Variants in STXBP5 observed in about 807,000 individuals in gnomAD.
The protein encoded by STXBP5 is syntaxin binding protein 5, also known as syntaxin-binding protein 5.
STXBP5 carries 50 observed loss-of-function variants against 152.4 expected under a neutral mutation model. The ratio of observed to expected loss-of-function variants is 0.33; its 90% CI spans 0.26 to 0.42. STXBP5 has a LOEUF of 0.42. STXBP5 is among the 10% of genes least tolerant of loss of function. The pLI, the probability that STXBP5 is intolerant of heterozygous loss-of-function variation, is 1.00. For synonymous variants in STXBP5, 492 were observed against 494.7 expected, an observed-to-expected ratio of 0.99 and a Z score of 0.07; for missense variants, 1,167 against 1,388.6, an observed-to-expected ratio of 0.84 and a Z score of 2.54.
At chr6:147,241,543 A>C (rs1778542787) in intron 4 of STXBP5, among the ~76,000 whole-genome samples, 1 of 152,184 alleles carries the variant, frequency 6.6e-6, no homozygotes, top group Non-Finnish European at 1.5e-5. Flanking sequence ...ACGATGTTAC[A>C]CTCAGTGACA....
At chr6:147,262,169 GAA>G in intron 5 of STXBP5, 119 bp from the exon 6 acceptor site, 1 of 661,378 alleles carries the variant, frequency 1.5e-6, no homozygotes, top group Non-Finnish European at 2.5e-6. Context: ...ATCTCTTGCT[GAA>G]ATCCTTTCTT....
rs920178833 is a variant in STXBP5, at chr6:147,387,058, T to TTA, written c.*2304_*2305dup. The TTA allele has an allele frequency of 1.3e-5, 2 of 151,868 alleles. No individual in the cohort carries two copies. Among genetic ancestry groups the TTA allele is most frequent in the Non-Finnish European group, 3.0e-5 (2 of 67,730 alleles). 9.4% of individuals were successfully genotyped at this position (151,868 alleles called of 1,614,324 possible). ...ATCTTAAATCAGTGTTTTGAGTTAT[T>TTA]TAATTTTTAAATTAATCTACAAATT... On this transcript the variant is annotated 3_prime_UTR_variant, in exon 28 of 28. Coordinates refer to ENST00000321680, the MANE Select transcript of STXBP5 (RefSeq NM_001127715.4).
intron 22 of STXBP5, among the ~76,000 whole-genome samples, chr6:147,356,877 A>T (rs550359006): frequency 1.3e-5 from 2 of 152,164 alleles, no homozygotes; most frequent in Non-Finnish European, 2.9e-5. Flanking sequence ...AAAGCATGTG[A>T]TTTAGGGAGT....
intron 7 of STXBP5, among the ~76,000 whole-genome samples, chr6:147,275,716 CT>C (rs1780411809): frequency 6.6e-6 from 1 of 151,706 alleles, no homozygotes; most frequent in Non-Finnish European, 1.5e-5. Flanking sequence ...CACCACACGC[CT>C]GGCTAATTTT....
chr6:147,204,476 C>A lies in STXBP5; in HGVS notation c.-57C>A, dbSNP rs1454399934. 2.1e-5 allele frequency: 34 copies of A among 1,582,200 alleles called. No individual in the cohort carries two copies. The highest frequency in any genetic ancestry group is 4.1e-5 in the African/African-American group (3 of 73,754). On this transcript the variant is annotated 5_prime_UTR_variant, in exon 1 of 28. Coordinates refer to ENST00000321680, the MANE Select transcript of STXBP5 (RefSeq NM_001127715.4). This position sits in a 1 kb window ranked among gnomAD's most constrained non-coding sequence, Gnocchi z 4.3. Reference sequence around the variant, plus strand: ...GCCTTCGGCCCCGGGTGGTCTCCCCCGCCCGGGGACCCCCTGTGCCTCCCC... The same window carrying A: ...GCCTTCGGCCCCGGGTGGTCTCCCCAGCCCGGGGACCCCCTGTGCCTCCCC...
chr6:147,340,760 A>G (rs1784053367), intron 21 of STXBP5, among the ~76,000 whole-genome samples: 1 of 151,866 alleles, frequency 6.6e-6, no homozygotes, highest in African/African-American at 2.4e-5. Context: ...CTACCTTCCC[A>G]TTTTTTCTTG....
intron 16 of STXBP5, among the ~76,000 whole-genome samples, chr6:147,317,951 G>A (rs567627758): frequency 6.8e-4 from 104 of 152,016 alleles, no homozygotes; most frequent in African/African-American, 2.4e-3. Flanking sequence ...GGCATTTTTT[G>A]TAACGTATTT....
chr6:147,314,551 G>T (rs1178310638), intron 13 of STXBP5, 45 bp from the exon 14 acceptor site: 2 of 1,588,370 alleles, frequency 1.3e-6, no homozygotes. Flanking sequence ...AAAGAAGGAA[G>T]AACTGTAATT....
At chr6:147,277,626 A>G (rs2128341380) in intron 7 of STXBP5, among the ~76,000 whole-genome samples, 1 of 152,218 alleles carries the variant, frequency 6.6e-6, no homozygotes, top group East Asian at 1.9e-4. Flanking sequence ...TCAACCTGAA[A>G]CATTTGTATT....
rs1236340797 is a variant in STXBP5 at position 147,390,253 on chromosome 6, G to A, written c.*5498G>A. ...ACGTGTTAAACTTTGTAGTTATTTTGCATTCCTGTACTTTACAAACTGTCA... is the reference window on the plus strand; with the variant it reads ...ACGTGTTAAACTTTGTAGTTATTTTACATTCCTGTACTTTACAAACTGTCA... On this transcript the variant is annotated 3_prime_UTR_variant, in exon 28 of 28. Coordinates refer to ENST00000321680, the MANE Select transcript of STXBP5 (RefSeq NM_001127715.4). The A allele has an allele frequency of 5.9e-5, 9 of 151,966 alleles. No individual in the cohort carries two copies. Among genetic ancestry groups the A allele is most frequent in the Admixed American group, 5.9e-4 (9 of 15,236 alleles). The allele number at this position is 151,966 out of a possible 1,614,324, so 9.4% of individuals were successfully genotyped here. A position where few individuals can be genotyped will look rare whatever the true frequency, so the allele number is the denominator to read the frequency against.
intron 25 of STXBP5, among the ~76,000 whole-genome samples, chr6:147,370,528 T>C (rs938580664): frequency 6.6e-6 from 1 of 152,108 alleles, no homozygotes; most frequent in Non-Finnish European, 1.5e-5. Flanking sequence ...GTATTATTCT[T>C]AACTGTACCA....
chr6:147,204,784 CAAT>C lies in STXBP5; in HGVS notation c.150+117_150+119del, dbSNP rs1041618786. 561 of 1,195,756 alleles carry C rather than the reference CAAT, an allele frequency of 4.7e-4. No individual in the cohort carries two copies. The highest frequency in any genetic ancestry group is 5.3e-4 in the Non-Finnish European group (468 of 883,518). The allele number at this position is 1,195,756 out of a possible 1,614,324, so 74.1% of individuals were successfully genotyped here. ...ATGGGAATGCAAGGGAAGAGAACGC[CAAT>C]AATAATAATAATAACTCTAATAAAA... On this transcript the variant is annotated intron_variant, in intron 1 of 27. Transcript: ENST00000321680. This position sits in a 1 kb window ranked among gnomAD's most constrained non-coding sequence, Gnocchi z 4.3.
chr6:147,222,011 G>T (rs1777486047), intron 2 of STXBP5, among the ~76,000 whole-genome samples: 1 of 151,908 alleles, frequency 6.6e-6, no homozygotes. Context: ...CAGGTTAAGA[G>T]ACTATTTCCT....
chr6:147,327,700 C>T (rs1040317753), intron 18 of STXBP5, among the ~76,000 whole-genome samples: 1 of 152,176 alleles, frequency 6.6e-6, no homozygotes, highest in African/African-American at 2.4e-5. Context: ...CCTCAGCCTC[C>T]CAAAGTACTG....
chr6:147,218,486 T>C (rs995068244), intron 2 of STXBP5, among the ~76,000 whole-genome samples: 2 of 152,200 alleles, frequency 1.3e-5, no homozygotes, highest in Non-Finnish European at 2.9e-5. Context: ...TTTTTTGGTT[T>C]TTTTTTCTTT....
intron 25 of STXBP5, among the ~76,000 whole-genome samples, chr6:147,371,228 T>G (rs1785525199): frequency 6.6e-6 from 1 of 152,040 alleles, no homozygotes; most frequent in Non-Finnish European, 1.5e-5. Context: ...AATAGTAGAT[T>G]TACTTATAAT....
At position 147,267,144 on chromosome 6, in the gene STXBP5, G is replaced by A. The variant is rs201466855; in HGVS notation, c.691G>A (p.Asp231Asn). 1.1e-5 allele frequency: 18 copies of A among 1,609,918 alleles called. No individual in the cohort carries two copies. Among genetic ancestry groups the A allele is most frequent in the East Asian group, 4.5e-5 (2 of 44,684 alleles). Residue 231 changes from aspartate to asparagine, a missense_variant, in exon 7 of 28, where the codon GAC (aspartate) becomes AAC (asparagine). Transcript: ENST00000321680. Reference sequence around the variant, plus strand: ...ATGGGACCTCAAATCAAAGAAAGCCGACTACAGATACACATATGATGAGGT... The same window carrying A: ...ATGGGACCTCAAATCAAAGAAAGCCAACTACAGATACACATATGATGAGGT... ...VLWDLKSKKA[D>N]YRYTYDEAIH...
chr6:147,249,252 G>T (rs1778970381), intron 4 of STXBP5, among the ~76,000 whole-genome samples: 1 of 149,822 alleles, frequency 6.7e-6, no homozygotes, highest in African/African-American at 2.5e-5. Context: ...TACAAAATCA[G>T]TAAAAAAAAA....
chr6:147,304,914 C>G (rs1782012150), intron 9 of STXBP5, among the ~76,000 whole-genome samples: 1 of 152,106 alleles, frequency 6.6e-6, no homozygotes, highest in South Asian at 2.1e-4. Flanking sequence ...CCTGTATCCC[C>G]ATTGTATCTA....
Sources: gnomAD v4.1 joint callset for allele counts (sites outside exome capture counted in the v4.1 genomes callset) on GRCh38, gnomAD v4.1.1 for gene constraint, Gnocchi (gnomAD v3.1) non-coding constraint, MANE v1.5 for transcripts, NCBI Gene and HGNC (gene_info 2026-07-23, HGNC 2026-07-21) for gene names.